Variants in MCHR2 observed in about 807,000 individuals in gnomAD.
MCHR2 encodes melanin-concentrating hormone receptor 2.
In MCHR2, 15 loss-of-function variants were observed where a neutral mutation model predicts 24.8. The observed-to-expected ratio is 0.60, with a 90% CI of 0.40 to 0.93. The LOEUF is 0.93. Ranked by LOEUF, MCHR2 falls within the 40% of genes least tolerant of loss-of-function variation. MCHR2 has a pLI of 0.00. For missense variants in MCHR2, 386 were observed against 408.7 expected (o/e 0.94, Z 0.48); for synonymous variants, 151 against 147.6 (o/e 1.02, Z -0.17).
At position 99,993,919 on chromosome 6, in the gene MCHR2, A is replaced by G. The variant is rs2271116; in HGVS notation, c.-28+17T>C. 109,637 of 151,710 alleles carry G rather than the reference A, an allele frequency of 0.72. 39,780 individuals are homozygous for G. The highest frequency in any genetic ancestry group is 0.75 in the Non-Finnish European group (51,082 of 67,892). The allele number at this position is 151,710 out of a possible 1,614,324, so 9.4% of individuals were successfully genotyped here. The stretch of plus-strand genomic sequence containing the variant: ...CGCCAGAGCCCGGCCCTCGCGCGGC[A>G]GCCCGCGGGACGTCACCTGGGTGCT... On this transcript the variant is annotated intron_variant, in intron 1 of 5. Transcript: ENST00000281806.
chr6:99,963,490 T>A (rs1173542619), intron 1 of MCHR2, among the ~76,000 whole-genome samples: 1 of 152,112 alleles, frequency 6.6e-6, no homozygotes, highest in Admixed American at 6.6e-5. Flanking sequence ...AGAATGGTGA[T>A]TGCCAGGGGC....
intron 1 of MCHR2, among the ~76,000 whole-genome samples, chr6:99,973,392 C>CTT (rs988403522): frequency 6.6e-6 from 1 of 151,842 alleles, no homozygotes; most frequent in African/African-American, 2.4e-5. Context: ...CAACCTCTGC[C>CTT]TTTTTTTGTT....
intron 5 of MCHR2, among the ~76,000 whole-genome samples, chr6:99,925,021 T>C (rs1417375688): frequency 1.3e-5 from 2 of 152,146 alleles, no homozygotes; most frequent in Non-Finnish European, 2.9e-5. Flanking sequence ...GCTACTATTA[T>C]ATTGGGGCCT....
chr6:99,961,016 AAG>A (rs1333564806), intron 1 of MCHR2, among the ~76,000 whole-genome samples: 2 of 152,178 alleles, frequency 1.3e-5, no homozygotes, highest in Non-Finnish European at 2.9e-5. Context: ...TGCACAGCAA[AAG>A]AAACTGTCAT....
chr6:99,965,109 C>A (rs375628785), intron 1 of MCHR2, among the ~76,000 whole-genome samples: 3 of 152,044 alleles, frequency 2.0e-5, no homozygotes, highest in African/African-American at 4.8e-5. Context: ...GCTTTCTTGT[C>A]CTTGGTAGCC....
At chr6:99,960,022 A>G (rs893734407) in intron 1 of MCHR2, among the ~76,000 whole-genome samples, 1 of 152,080 alleles carries the variant, frequency 6.6e-6, no homozygotes, top group Non-Finnish European at 1.5e-5. Context: ...CAGATTCAAG[A>G]AGACCAGCCT....
chr6:99,965,653 A>T (rs1050765345), intron 1 of MCHR2, among the ~76,000 whole-genome samples: 31 of 152,162 alleles, frequency 2.0e-4, no homozygotes, highest in Non-Finnish European at 4.1e-4. Flanking sequence ...AACCAGAGAA[A>T]GTTAACTTTT....
At position 99,919,730 on chromosome 6, in the gene MCHR2, T is replaced by G. The variant is rs1320944557; in HGVS notation, c.*1210A>C. ...TGTTTCTTGTTTTTTTTTTTGTTTG[T>G]TTTGTTTTTTTTTTTGAGATGACGT... On this transcript the variant is annotated 3_prime_UTR_variant, in exon 6 of 6. Coordinates refer to ENST00000281806, the MANE Select transcript of MCHR2 (RefSeq NM_001040179.2). 7.9e-6 allele frequency among the ~76,000 whole-genome samples: 1 copy of G among 126,102 alleles called. No homozygotes were observed. The highest frequency in any genetic ancestry group is 2.6e-5 in the African/African-American group (1 of 37,800). The allele number at this position is 126,102 out of a possible 152,430, so 82.7% of individuals were successfully genotyped here.
intron 5 of MCHR2, among the ~76,000 whole-genome samples, chr6:99,933,083 A>G (rs1436820608): frequency 6.6e-6 from 1 of 151,942 alleles, no homozygotes; most frequent in African/African-American, 2.4e-5. Flanking sequence ...CCCATATTTA[A>G]TCATGTTATG....
At chr6:99,973,392 CT>C (rs988403522) in intron 1 of MCHR2, among the ~76,000 whole-genome samples, 45 of 151,958 alleles carry the variant, frequency 3.0e-4, no homozygotes, top group Admixed American at 1.3e-3. Context: ...CAACCTCTGC[CT>C]TTTTTTGTTT....
At position 99,956,753 on chromosome 6, in the gene MCHR2, A is replaced by C. The variant is rs185176699; in HGVS notation, c.-27-579T>G. On this transcript the variant is annotated intron_variant, in intron 1 of 5. Coordinates refer to ENST00000281806, the MANE Select transcript of MCHR2 (RefSeq NM_001040179.2). ...GCGGAGGCACCATGTGCAAAGAAGT[A>C]TTCAAGGCCAAATGCTCACTGCCAA... is the stretch of plus-strand genomic sequence containing the variant. 8.5e-5 allele frequency among the ~76,000 whole-genome samples: 13 copies of C among 152,278 alleles called. No homozygotes were observed. The East Asian group carries it at 1.9e-3, about 23-fold the overall frequency.
At chr6:99,968,790 T>TA (rs1258806375) in intron 1 of MCHR2, among the ~76,000 whole-genome samples, 1 of 152,146 alleles carries the variant, frequency 6.6e-6, no homozygotes, top group Non-Finnish European at 1.5e-5. Context: ...GTTTTTTTTT[T>TA]ACCATAACAA....
intron 1 of MCHR2, among the ~76,000 whole-genome samples, chr6:99,961,885 C>T (rs935549626): frequency 3.3e-5 from 5 of 152,094 alleles, no homozygotes; most frequent in African/African-American, 1.2e-4. Flanking sequence ...AAAATCATGT[C>T]AAGTATCTTT....
Position 99,920,777 on chromosome 6 carries a change from A to T in MCHR2, c.*163T>A. The T allele has an allele frequency of 1.5e-6, 1 of 684,352 alleles. No individual in the cohort carries two copies. The highest frequency in any genetic ancestry group is 2.5e-6 in the Non-Finnish European group (1 of 404,738). The allele number at this position is 684,352 out of a possible 1,614,324, so 42.4% of individuals were successfully genotyped here. A position where few individuals can be genotyped will look rare whatever the true frequency, so the allele number is the denominator to read the frequency against. On this transcript the variant is annotated 3_prime_UTR_variant, in exon 6 of 6. Transcript: ENST00000281806. Reference sequence around the variant, plus strand: ...TTTTACATCTTGCTAAAGTTAGCATATTAAGCTCATTGTATTTGCATGGTT... The same window carrying T: ...TTTTACATCTTGCTAAAGTTAGCATTTTAAGCTCATTGTATTTGCATGGTT...
Position 99,979,764 on chromosome 6 carries a change from T to A in MCHR2, c.-28+14172A>T, listed in dbSNP as rs79291499. The stretch of plus-strand genomic sequence containing the variant: ...ATATCCTTGACAGCAATTCATACAG[T>A]GATTATTTACATTGTTGCTATTTTA... On this transcript the variant is annotated intron_variant, in intron 1 of 5. Coordinates refer to ENST00000281806, the MANE Select transcript of MCHR2 (RefSeq NM_001040179.2). 1.8e-4 allele frequency among the ~76,000 whole-genome samples: 27 copies of A among 152,344 alleles called. No individual in the cohort carries two copies. The East Asian group carries it at 4.4e-3, about 25-fold the overall frequency.
rs183364238 is a variant in MCHR2, at chr6:99,970,542, C to T, written c.-27-14368G>A. ...TTCACTCTGATGGTCGTTTCTTTTG[C>T]TGTGCAGAAGCTCTTTAGTTTAATT... On this transcript the variant is annotated intron_variant, in intron 1 of 5. Coordinates refer to ENST00000281806, the MANE Select transcript of MCHR2 (RefSeq NM_001040179.2). Among the ~76,000 whole-genome samples, 1,479 of 152,230 alleles carry T rather than the reference C, an allele frequency of 9.7e-3. 24 individuals are homozygous for T. Among genetic ancestry groups the T allele is most frequent in the South Asian group, 0.02 (98 of 4,820 alleles).
Position 99,921,206 on chromosome 6 carries a change from C to T in MCHR2, c.757G>A (p.Val253Met). 6.2e-7 allele frequency: 1 copy of T among 1,614,100 alleles called. No homozygotes were observed. Among genetic ancestry groups the T allele is most frequent in the Non-Finnish European group, 8.5e-7 (1 of 1,180,008 alleles). The part of the protein sequence containing the change: ...KQRVMKLTKM[V>M]LVLVVVFILS... ...ATAAAGACTACCACCAGCACCAGCA[C>T]CATCTTTGTCAACTTCATCACTCTC... is the stretch of plus-strand genomic sequence containing the variant. Residue 253 changes from valine (V) to methionine (M), a missense_variant, in exon 6 of 6, where the codon GTG becomes ATG. By Grantham distance (21) the Val-to-Met change is conservative. Transcript: ENST00000281806.
intron 1 of MCHR2, among the ~76,000 whole-genome samples, chr6:99,979,798 T>G (rs1021184718): frequency 2.0e-5 from 3 of 152,206 alleles, no homozygotes; most frequent in Non-Finnish European, 4.4e-5. Context: ...TAATATCCTT[T>G]AATTAAAATA....
intron 5 of MCHR2, among the ~76,000 whole-genome samples, chr6:99,934,162 G>A (rs544694568): frequency 5.6e-4 from 85 of 152,060 alleles, no homozygotes; most frequent in Non-Finnish European, 9.0e-4. Flanking sequence ...CTTGAGTTCC[G>A]TATGCATTTT....
Sources: gnomAD v4.1 joint callset for allele counts (sites outside exome capture counted in the v4.1 genomes callset) on GRCh38, gnomAD v4.1.1 for gene constraint, MANE v1.5 for transcripts, NCBI Gene and HGNC (gene_info 2026-07-23, HGNC 2026-07-21) for gene names.